DTD1: variants seen among roughly 807,000 people sequenced by gnomAD.
DTD1 encodes the protein D-aminoacyl-tRNA deacylase 1.
Under a neutral mutation model 25.6 loss-of-function variants are expected in DTD1, and 13 were observed. The ratio of observed to expected loss-of-function variants is 0.51; its 90% CI spans 0.33 to 0.81. DTD1 has a LOEUF of 0.81. Ranked by LOEUF, DTD1 falls within the 30% of genes least tolerant of loss-of-function variation. The pLI, the probability that DTD1 is intolerant of heterozygous loss-of-function variation, is 0.02. For synonymous variants in DTD1, 110 were observed against 103.6 expected, an observed-to-expected ratio of 1.06 and a Z score of -0.37; for missense variants, 193 against 266.4, an observed-to-expected ratio of 0.72 and a Z score of 1.92.
intron 4 of DTD1, among the ~76,000 whole-genome samples, chr20:18,720,836 C>T (rs544200616): frequency 2.0e-5 from 3 of 152,154 alleles, no homozygotes; most frequent in African/African-American, 4.8e-5. Context: ...CCAGCCTGGG[C>T]GACAGAGTGA....
chr20:18,724,877 T>A (rs2061217716), intron 4 of DTD1, among the ~76,000 whole-genome samples: 1 of 152,240 alleles, frequency 6.6e-6, no homozygotes, highest in Non-Finnish European at 1.5e-5. Context: ...AACAAGGCAG[T>A]CCTTAACTAA....
chr20:18,629,258 A>AGTGC (rs778585276), intron 4 of DTD1, among the ~76,000 whole-genome samples: 54 of 147,840 alleles, frequency 3.7e-4, no homozygotes, highest in Non-Finnish European at 7.1e-4. Context: ...GGCCTCCCAA[A>AGTGC]GTGCTGGGAT....
intron 4 of DTD1, among the ~76,000 whole-genome samples, chr20:18,733,946 T>A (rs918659850): frequency 2.6e-5 from 4 of 152,228 alleles, no homozygotes; most frequent in Non-Finnish European, 5.9e-5. Context: ...ACATCCTCTC[T>A]TAATATTCTG....
chr20:18,599,680 T>G (rs2122251395), intron 3 of DTD1, among the ~76,000 whole-genome samples: 1 of 152,318 alleles, frequency 6.6e-6, no homozygotes, highest in East Asian at 1.9e-4. Context: ...CTTGCTAATA[T>G]TTGGTGTTGT....
chr20:18,609,002 A>T (rs757913967), intron 3 of DTD1, among the ~76,000 whole-genome samples: 7 of 152,204 alleles, frequency 4.6e-5, no homozygotes, highest in Non-Finnish European at 8.8e-5. Flanking sequence ...TACATAAGAA[A>T]AAAATTTTTT....
At chr20:18,642,006 T>A (rs1227961195) in intron 4 of DTD1, among the ~76,000 whole-genome samples, 1 of 152,240 alleles carries the variant, frequency 6.6e-6, no homozygotes, top group Non-Finnish European at 1.5e-5. Flanking sequence ...CTTTTACATT[T>A]AGATATTTGA....
intron 3 of DTD1, among the ~76,000 whole-genome samples, chr20:18,625,040 G>A (rs1467037993): frequency 6.6e-6 from 1 of 152,180 alleles, no homozygotes; most frequent in Non-Finnish European, 1.5e-5. Flanking sequence ...AAAGTTCCAG[G>A]CTTGAGACAC....
chr20:18,750,255 T>C (rs1339922040), intron 5 of DTD1, among the ~76,000 whole-genome samples: 2 of 152,146 alleles, frequency 1.3e-5, no homozygotes, highest in Non-Finnish European at 2.9e-5. Context: ...AAATTTGTCA[T>C]CCCAGTAGGC....
chr20:18,652,426 G>A (rs1359227774), intron 4 of DTD1, among the ~76,000 whole-genome samples: 1 of 152,140 alleles, frequency 6.6e-6, no homozygotes, highest in South Asian at 2.1e-4. Context: ...TTACTTTCTG[G>A]TGCGTACTTG....
At chr20:18,600,425 G>A (rs965757349) in intron 3 of DTD1, among the ~76,000 whole-genome samples, 3 of 152,114 alleles carry the variant, frequency 2.0e-5, no homozygotes, top group Non-Finnish European at 4.4e-5. Context: ...TATCAGGGTC[G>A]AATTCTGGGC....
intron 4 of DTD1, among the ~76,000 whole-genome samples, chr20:18,654,534 C>G (rs1483850367): frequency 6.6e-6 from 1 of 152,178 alleles, no homozygotes; most frequent in Non-Finnish European, 1.5e-5. Flanking sequence ...TCTTCGAAGG[C>G]CAGCTCAGTT....
intron 4 of DTD1, among the ~76,000 whole-genome samples, chr20:18,711,139 T>G (rs2061156896): frequency 6.6e-6 from 1 of 152,212 alleles, no homozygotes; most frequent in Admixed American, 6.5e-5. Context: ...GGCGCTATTC[T>G]CAGCCCTGTG....
intron 5 of DTD1, among the ~76,000 whole-genome samples, chr20:18,761,334 TG>T (rs2122544321): frequency 6.6e-6 from 1 of 152,216 alleles, no homozygotes; most frequent in East Asian, 1.9e-4. Flanking sequence ...AGGTGTAGAC[TG>T]GAGCTGTTCC....
At chr20:18,644,111 A>G (rs1370425510) in intron 4 of DTD1, among the ~76,000 whole-genome samples, 3 of 152,156 alleles carry the variant, frequency 2.0e-5, no homozygotes, top group African/African-American at 4.8e-5. Flanking sequence ...TGCTCTTACT[A>G]ATGATGATGC....
At chr20:18,615,125 C>T (rs2060704075) in intron 3 of DTD1, among the ~76,000 whole-genome samples, 1 of 151,860 alleles carries the variant, frequency 6.6e-6, no homozygotes, top group African/African-American at 2.4e-5. Context: ...AGTGGCACAG[C>T]CTCACTTCTG....
At chr20:18,661,584 G>T (rs900646627) in intron 4 of DTD1, among the ~76,000 whole-genome samples, 1 of 152,104 alleles carries the variant, frequency 6.6e-6, no homozygotes, top group Non-Finnish European at 1.5e-5. Context: ...TGTTAGCCAG[G>T]ATGGTTTTGA....
At chr20:18,608,167 G>C (rs977251226) in intron 3 of DTD1, among the ~76,000 whole-genome samples, 2 of 151,996 alleles carry the variant, frequency 1.3e-5, no homozygotes, top group East Asian at 3.9e-4. Context: ...AGAGTTGTTC[G>C]TGGTATCCCC....
intron 4 of DTD1, among the ~76,000 whole-genome samples, chr20:18,669,596 G>A (rs2060944523): frequency 6.6e-6 from 1 of 152,094 alleles, no homozygotes; most frequent in Admixed American, 6.5e-5. Context: ...AGTGACCACT[G>A]TCGACTGAGC....
At chr20:18,718,523 A>G (rs2061190596) in intron 4 of DTD1, among the ~76,000 whole-genome samples, 1 of 152,260 alleles carries the variant, frequency 6.6e-6, no homozygotes, top group Non-Finnish European at 1.5e-5. Context: ...TAGGGCAACA[A>G]TCATCTGTGT....
Sources: allele counts gnomAD v4.1 joint callset (sites outside exome capture counted in the v4.1 genomes callset), GRCh38; gene constraint gnomAD v4.1.1; transcripts MANE v1.5; gene names NCBI Gene and HGNC (gene_info 2026-07-23, HGNC 2026-07-21).